The following ENKUR variants were observed in gnomAD, a reference collection of about 807,000 sequenced individuals.
ENKUR encodes enkurin.
A neutral mutation model predicts 27.6 loss-of-function variants in ENKUR; 19 were observed. The ratio of observed to expected loss-of-function variants is 0.69; its 90% CI spans 0.48 to 1.01. The LOEUF (loss-of-function observed/expected upper bound fraction) is 1.01. Among genes scored for constraint, ENKUR ranks in the 50% least tolerant of loss-of-function variants. The pLI, the probability that ENKUR is intolerant of heterozygous loss-of-function variation, is 0.00. For missense variants in ENKUR, 312 were observed against 310.5 expected, an observed-to-expected ratio of 1.00 and a Z score of -0.04; for synonymous variants, 117 against 96.9, an observed-to-expected ratio of 1.21 and a Z score of -1.22.
At chr10:25,019,251 A>C (rs1311289344), upstream of ENKUR, among the ~76,000 whole-genome samples, 1 of 152,202 alleles carries the variant, frequency 6.6e-6, no homozygotes, top group Admixed American at 6.5e-5. Context: ...AGGCAGGAAG[A>C]CTGCTTGAGC....
intron 1 of ENKUR, among the ~76,000 whole-genome samples, chr10:25,011,398 C>T (rs1186867810): frequency 6.6e-6 from 1 of 152,036 alleles, no homozygotes; most frequent in Non-Finnish European, 1.5e-5. Context: ...TGTAGGTTGC[C>T]TATTCACTCT....
At chr10:25,045,113 A>AT (rs1206616518) in intron 2 of ENKUR, among the ~76,000 whole-genome samples, 1 of 152,120 alleles carries the variant, frequency 6.6e-6, no homozygotes, top group Non-Finnish European at 1.5e-5. Flanking sequence ...AATCCTTTTC[A>AT]TTTTTGCCGA....
chr10:25,050,558 T>C (rs1007647741), intron 2 of ENKUR, among the ~76,000 whole-genome samples: 1 of 152,130 alleles, frequency 6.6e-6, no homozygotes, highest in African/African-American at 2.4e-5. Flanking sequence ...CATGATTCAA[T>C]TACCTCCCAC....
intron 3 of ENKUR, among the ~76,000 whole-genome samples, chr10:24,991,766 TGGA>T (rs1849934474): frequency 6.6e-6 from 1 of 152,234 alleles, no homozygotes. Context: ...GAAAGTCCTT[TGGA>T]AGCCCTCTGT....
chr10:25,024,866 A>T, intron 2 of ENKUR: 1 of 1,614,100 alleles, frequency 6.2e-7, no homozygotes, highest in Non-Finnish European at 8.5e-7. Context: ...AAAACAGGAC[A>T]TTATGATCTA....
intron 2 of ENKUR, among the ~76,000 whole-genome samples, chr10:25,052,300 T>C (rs779104944): frequency 5.3e-5 from 8 of 152,210 alleles, no homozygotes; most frequent in Admixed American, 1.3e-4. Context: ...AAAGGCTGCA[T>C]TTTATGGATC....
At chr10:25,003,165 A>T (rs951450885) in intron 1 of ENKUR, among the ~76,000 whole-genome samples, 12 of 150,340 alleles carry the variant, frequency 8.0e-5, no homozygotes, top group East Asian at 7.8e-4. Flanking sequence ...TTCTTTAATT[A>T]ATTAATTAAT....
In ENKUR at chr10:24,999,548, T is replaced by A; in HGVS notation, c.78-2A>T. On this transcript the variant is annotated splice_acceptor_variant, in intron 1 of 5. Coordinates refer to ENST00000331161, the MANE Select transcript of ENKUR (RefSeq NM_145010.4). LOFTEE classifies it high-confidence loss of function. ...GTTGCCTTAAAAATGGATATGTACCTAAAATTGAATTTTAAAAGTTGTAGC... is the reference window on the plus strand; with the variant it reads ...GTTGCCTTAAAAATGGATATGTACCAAAAATTGAATTTTAAAAGTTGTAGC... 1 of 1,597,058 alleles carries A rather than the reference T, an allele frequency of 6.3e-7. No homozygotes were observed. The highest frequency in any genetic ancestry group is 8.5e-7 in the Non-Finnish European group (1 of 1,174,780).
At position 25,028,897 on chromosome 10, in the gene ENKUR, G is replaced by T. The variant is rs185763514; in HGVS notation, c.37+32215C>A. Reference sequence around the variant, plus strand: ...CTTTCTCATAGTTCTGCATTGTTTAGTTCTGACTCTTTGAATTTTATATAA... The same window carrying T: ...CTTTCTCATAGTTCTGCATTGTTTATTTCTGACTCTTTGAATTTTATATAA... On this transcript the variant is annotated intron_variant, in intron 2 of 5. Transcript: ENST00000615958. Among the ~76,000 whole-genome samples the T allele has an allele frequency of 2.9e-3, 435 of 152,116 alleles. 2 individuals carry two copies. The highest frequency in any genetic ancestry group is 5.3e-3 in the Non-Finnish European group (359 of 67,986).
At chr10:25,010,066 C>G (rs1051591265) in intron 1 of ENKUR, among the ~76,000 whole-genome samples, 3 of 152,118 alleles carry the variant, frequency 2.0e-5, no homozygotes, top group Non-Finnish European at 2.9e-5. Flanking sequence ...GAGGTTGGAA[C>G]AGTTTGGAGG....
chr10:25,055,606 G>A (rs917485033), intron 2 of ENKUR, among the ~76,000 whole-genome samples: 6 of 149,464 alleles, frequency 4.0e-5, no homozygotes, highest in African/African-American at 1.5e-4. Flanking sequence ...TTTGGTCTAC[G>A]TTGGAATGAT....
At chr10:25,032,775 G>A (rs943508681) in intron 2 of ENKUR, among the ~76,000 whole-genome samples, 4 of 152,112 alleles carry the variant, frequency 2.6e-5, no homozygotes, top group Non-Finnish European at 5.9e-5. Flanking sequence ...TTCCCCTGCT[G>A]TATTTGTCAG....
intron 2 of ENKUR, chr10:25,023,291 T>A (rs1174715187): frequency 1.2e-6 from 2 of 1,614,020 alleles, no homozygotes; most frequent in Non-Finnish European, 8.5e-7. Context: ...AGTATACATG[T>A]TAAAACGGAT....
rs772244464 is a variant in ENKUR, at chr10:24,984,720, A to G, written c.764+16T>C. ...CCCTACATTGAAATTGTTATACTTT[A>G]AAGATCCATTCTTACTTATTGGCAA... On this transcript the variant is annotated intron_variant, in intron 5 of 5. Coordinates refer to ENST00000331161, the MANE Select transcript of ENKUR (RefSeq NM_145010.4). The G allele has an allele frequency of 6.3e-7, 1 of 1,586,752 alleles. No individual in the cohort carries two copies. Among genetic ancestry groups the G allele is most frequent in the Middle Eastern group, 1.7e-4 (1 of 5,960 alleles).
chr10:25,019,250 G>A (rs1049355389), upstream of ENKUR, among the ~76,000 whole-genome samples: 2 of 152,206 alleles, frequency 1.3e-5, no homozygotes, highest in African/African-American at 2.4e-5. Flanking sequence ...AAGGCAGGAA[G>A]ACTGCTTGAG....
intron 2 of ENKUR, among the ~76,000 whole-genome samples, chr10:25,041,046 T>G (rs1001643641): frequency 3.3e-5 from 5 of 152,252 alleles, no homozygotes; most frequent in African/African-American, 9.6e-5. Context: ...ATGTTTATTA[T>G]TTACAGTTTT....
chr10:25,029,540 G>T lies in ENKUR; in HGVS notation c.37+31572C>A, dbSNP rs530561926. ...ATAAACCTTTTGTAATTCAGACTAC[G>T]TAATGTTAGTTAAAAAAAAAATCAT... On this transcript the variant is annotated intron_variant, in intron 2 of 5. Coordinates refer to the ENKUR transcript ENST00000615958. 6.5e-5 allele frequency among the ~76,000 whole-genome samples: 9 copies of T among 138,774 alleles called. No homozygotes were observed. The South Asian group carries it at 2.3e-3, about 35-fold the overall frequency. 91.0% of individuals were successfully genotyped at this position (138,774 alleles called of 152,430 possible).
chr10:25,002,608 G>A (rs1410190453), intron 1 of ENKUR, among the ~76,000 whole-genome samples: 1 of 152,094 alleles, frequency 6.6e-6, no homozygotes, highest in African/African-American at 2.4e-5. Flanking sequence ...TGGTGTTCTA[G>A]TTGTTTAAGT....
intron 4 of ENKUR, among the ~76,000 whole-genome samples, chr10:24,987,078 C>T (rs1164760362): frequency 2.0e-5 from 3 of 152,208 alleles, no homozygotes. Context: ...AGTTCAGCCA[C>T]AGAAGGCCCT....
Sources: gnomAD v4.1 joint callset for allele counts (sites outside exome capture counted in the v4.1 genomes callset) on GRCh38, gnomAD v4.1.1 for gene constraint, MANE v1.5 for transcripts, NCBI Gene and HGNC (gene_info 2026-07-23, HGNC 2026-07-21) for gene names.